Variants in MREG observed in about 807,000 individuals in gnomAD.
MREG encodes dilute suppressor protein homolog.
Under a neutral mutation model 28.5 loss-of-function variants are expected in MREG, and 31 were observed. The observed-to-expected ratio is 1.09, with a 90% CI of 0.82 to 1.47. The LOEUF is 1.47. MREG is among the 40% of genes most tolerant of loss of function. The pLI, the probability that MREG is intolerant of heterozygous loss-of-function variation, is 0.00. For missense variants in MREG, 256 were observed against 257.4 expected, an observed-to-expected ratio of 0.99 and a Z score of 0.04; for synonymous variants, 106 against 95.2, an observed-to-expected ratio of 1.11 and a Z score of -0.66.
chr2:215,961,327 A>G (rs1276861878), intron 2 of MREG, among the ~76,000 whole-genome samples: 1 of 150,968 alleles, frequency 6.6e-6, no homozygotes, highest in Non-Finnish European at 1.5e-5. Context: ...GGGCAGGTCA[A>G]ACTCGGATGT....
chr2:215,942,235 C>A (rs1414312912), downstream of MREG, among the ~76,000 whole-genome samples: 1 of 152,014 alleles, frequency 6.6e-6, no homozygotes, highest in Admixed American at 6.6e-5. Flanking sequence ...CACAGATGAG[C>A]CTTTAAGAAG....
In MREG at chr2:215,979,978, C is replaced by CAAAA. The variant is rs5838560; in HGVS notation, c.255+16324_255+16327dup. Among the ~76,000 whole-genome samples the CAAAA allele has an allele frequency of 2.0e-3, 281 of 143,432 alleles. 1 individual carries two copies. Among genetic ancestry groups the CAAAA allele is most frequent in the African/African-American group, 6.5e-3 (251 of 38,582 alleles). The allele number at this position is 143,432 out of a possible 152,430, so 94.1% of individuals were successfully genotyped here. On this transcript the variant is annotated intron_variant, in intron 2 of 4. Transcript: ENST00000263268. ...GCAAGATGTGAAAAAAACAAACAAA[C>CAAAA]AAAAAAAAAAAACAAAAAAAACTAA...
At chr2:215,972,138 C>A (rs2105990839) in intron 2 of MREG, among the ~76,000 whole-genome samples, 1 of 152,224 alleles carries the variant, frequency 6.6e-6, no homozygotes, top group East Asian at 1.9e-4. Flanking sequence ...CTGTCTCCTT[C>A]CTAGGAATCC....
rs1692218759 is a variant in MREG at position 215,942,892 on chromosome 2, AT to A, written c.*1970del. The A allele has an allele frequency of 6.6e-6, 1 of 152,630 alleles. No homozygotes were observed. Among genetic ancestry groups the A allele is most frequent in the Admixed American group, 6.5e-5 (1 of 15,294 alleles). The allele number at this position is 152,630 out of a possible 1,614,324, so 9.5% of individuals were successfully genotyped here. A position where few individuals can be genotyped will look rare whatever the true frequency, so the allele number is the denominator to read the frequency against. On this transcript the variant is annotated 3_prime_UTR_variant, in exon 5 of 5. Transcript: ENST00000263268. ...ATTGAGAGAAAATATCTGCAGGCTA[AT>A]TTTACATAACATGAGGCAAAGATTA...
chr2:216,015,137 G>GCGTGTGCGCGCATGTGTGCGCGCGTA (rs1694419374), upstream of MREG, among the ~76,000 whole-genome samples: 2 of 152,000 alleles, frequency 1.3e-5, no homozygotes, highest in South Asian at 2.1e-4. Flanking sequence ...GTGCGCGCGT[G>GCGTGTGCGCGCATGTGTGCGCGCGTA]CGTCTGTGCG....
chr2:215,993,434 A>C (rs1693773902), intron 2 of MREG, among the ~76,000 whole-genome samples: 1 of 152,260 alleles, frequency 6.6e-6, no homozygotes, highest in Admixed American at 6.5e-5. Context: ...GATGGATTAA[A>C]GACTTAAACA....
intron 2 of MREG, among the ~76,000 whole-genome samples, chr2:215,979,406 T>G (rs7606867): frequency 2.0e-5 from 3 of 150,486 alleles, no homozygotes; most frequent in Admixed American, 6.6e-5. Context: ...GAGATTGCAG[T>G]GAGCCGAGAT....
chr2:215,983,718 C>A (rs1168203714), intron 2 of MREG, among the ~76,000 whole-genome samples: 1 of 152,094 alleles, frequency 6.6e-6, no homozygotes, highest in African/African-American at 2.4e-5. Context: ...TTTAGCTGCT[C>A]CCAGGGGGTT....
At chr2:215,959,703 G>C (rs1417495987) in intron 2 of MREG, among the ~76,000 whole-genome samples, 2 of 152,136 alleles carry the variant, frequency 1.3e-5, no homozygotes, top group Non-Finnish European at 2.9e-5. Flanking sequence ...CCTCCACACA[G>C]AGTCTGCCTC....
At position 215,974,328 on chromosome 2, in the gene MREG, A is replaced by G. The variant is rs527325252; in HGVS notation, c.255+21978T>C. ...CAGAACACTGGATTTAAGTCTGAGAAGCAGCAGGTCTCAGCCCACATCAGA... is the reference window on the plus strand; with the variant it reads ...CAGAACACTGGATTTAAGTCTGAGAGGCAGCAGGTCTCAGCCCACATCAGA... On this transcript the variant is annotated intron_variant, in intron 2 of 4. Transcript: ENST00000263268. Among the ~76,000 whole-genome samples the G allele has an allele frequency of 2.2e-3, 340 of 152,320 alleles. 1 individual carries two copies. The highest frequency in any genetic ancestry group is 4.2e-3 in the Non-Finnish European group (286 of 68,030).
At chr2:215,971,728 G>A (rs537937606) in intron 2 of MREG, among the ~76,000 whole-genome samples, 1 of 152,188 alleles carries the variant, frequency 6.6e-6, no homozygotes, top group Non-Finnish European at 1.5e-5. Context: ...TCCTGTGTGT[G>A]TTACAGGGCC....
chr2:215,949,074 ACT>A (rs1491100697), intron 2 of MREG, among the ~76,000 whole-genome samples: 9,712 of 131,476 alleles, frequency 0.074, 335 homozygotes, highest in Admixed American at 0.079. Context: ...TACTACTACT[ACT>A]ACTACTACTA....
At position 215,945,581 on chromosome 2, in the gene MREG, A is replaced by T. The variant is rs775936253; in HGVS notation, c.500T>A (p.Leu167His). Residue 167 changes from leucine to histidine, a missense_variant, in exon 4 of 5, where the codon CTC becomes CAC. Leu to His is a moderately conservative substitution (Grantham distance 99). Coordinates refer to ENST00000263268, the MANE Select transcript of MREG (RefSeq NM_018000.3). Reference sequence around the variant, plus strand: ...AAAGCATCCACTTACCACAACAAAGAGATATCTCTCTGAGAGCTCCCAACT... The same window carrying T: ...AAAGCATCCACTTACCACAACAAAGTGATATCTCTCTGAGAGCTCCCAACT... ...PTSWELSERY[L>H]FVVDRLIALD... is the part of the protein sequence containing the mutation. 1 of 1,613,034 alleles carries T rather than the reference A, an allele frequency of 6.2e-7. No individual in the cohort carries two copies. The highest frequency in any genetic ancestry group is 1.3e-5 in the African/African-American group (1 of 74,956).
chr2:216,013,384 C>A lies in MREG; in HGVS notation c.-57G>T. On this transcript the variant is annotated 5_prime_UTR_variant, in exon 1 of 5. Coordinates refer to ENST00000263268, the MANE Select transcript of MREG (RefSeq NM_018000.3). ...CCTGGGGCCGAGTCGCCGCGGCGAG[C>A]GATCGAGGCTGGGGCGCGGCCACCG... 7.3e-7 allele frequency: 1 copy of A among 1,365,892 alleles called. No individual in the cohort carries two copies. Among genetic ancestry groups the A allele is most frequent in the Non-Finnish European group, 9.7e-7 (1 of 1,031,592 alleles). The allele number at this position is 1,365,892 out of a possible 1,614,324, so 84.6% of individuals were successfully genotyped here. A position where few individuals can be genotyped will look rare whatever the true frequency, so the allele number is the denominator to read the frequency against.
chr2:215,974,568 A>C lies in MREG; in HGVS notation c.255+21738T>G, dbSNP rs139539337. 4.6e-5 allele frequency among the ~76,000 whole-genome samples: 7 copies of C among 152,240 alleles called. No individual in the cohort carries two copies. In the East Asian group the frequency reaches 1.3e-3, roughly 29 times the overall value. On this transcript the variant is annotated intron_variant, in intron 2 of 4. Transcript: ENST00000263268. ...GAGGAGCCAGACCAACCAAGGGAAG[A>C]GGCAGGGCTAGGAGTGGTGGTGAGG... is the stretch of plus-strand genomic sequence containing the variant.
chr2:216,017,313 T>C (rs1180965848), upstream of MREG, among the ~76,000 whole-genome samples: 2 of 152,338 alleles, frequency 1.3e-5, no homozygotes, highest in East Asian at 3.9e-4. Flanking sequence ...ACTAGGTTTT[T>C]AGGGATTTTT....
intron 4 of MREG, among the ~76,000 whole-genome samples, chr2:215,945,207 T>C (rs1443780604): frequency 2.0e-5 from 3 of 152,222 alleles, no homozygotes; most frequent in Non-Finnish European, 2.9e-5. Context: ...CTCCTTAGCG[T>C]CCTTTCTCCT....
At position 215,943,958 on chromosome 2, in the gene MREG, G is replaced by A. The variant is rs1692249569; in HGVS notation, c.*905C>T. Among the ~76,000 whole-genome samples, 1 of 137,440 alleles carries A rather than the reference G, an allele frequency of 7.3e-6. No homozygotes were observed. The highest frequency in any genetic ancestry group is 1.5e-5 in the Non-Finnish European group (1 of 64,866). 90.2% of individuals were successfully genotyped at this position (137,440 alleles called of 152,430 possible). A position where few individuals can be genotyped will look rare whatever the true frequency, so the allele number is the denominator to read the frequency against. ...AATTTAAAATGCAAGTACAACACAT[G>A]AATACATAACTCTTTTTTTTTTTTT... On this transcript the variant is annotated 3_prime_UTR_variant, in exon 5 of 5. Transcript: ENST00000263268.
At position 215,943,721 on chromosome 2, in the gene MREG, G is replaced by T. The variant is rs1190782672; in HGVS notation, c.*1142C>A. The T allele has an allele frequency of 3.1e-6, 1 of 321,254 alleles. No homozygotes were observed. Among genetic ancestry groups the T allele is most frequent in the East Asian group, 8.1e-5 (1 of 12,306 alleles). The allele number at this position is 321,254 out of a possible 1,614,324, so 19.9% of individuals were successfully genotyped here. A position where few individuals can be genotyped will look rare whatever the true frequency, so the allele number is the denominator to read the frequency against. On this transcript the variant is annotated 3_prime_UTR_variant, in exon 5 of 5. Coordinates refer to ENST00000263268, the MANE Select transcript of MREG (RefSeq NM_018000.3). ...CCAGGTGTGGTGGCACGCGCCTGTA[G>T]TTCCAGCTACTCCAGAGGCTGAGGC... is the stretch of plus-strand genomic sequence containing the variant.
Sources: gnomAD v4.1 joint callset for allele counts (sites outside exome capture counted in the v4.1 genomes callset) on GRCh38, gnomAD v4.1.1 for gene constraint, MANE v1.5 for transcripts, NCBI Gene and HGNC (gene_info 2026-07-23, HGNC 2026-07-21) for gene names.